SHLD2: variants seen among roughly 807,000 people sequenced by gnomAD.
SHLD2 encodes RINN1-REV7-interacting novel NHEJ regulator 2.
A neutral mutation model predicts 73.2 loss-of-function variants in SHLD2; 30 were observed. The ratio of observed to expected loss-of-function variants is 0.41; its 90% CI spans 0.31 to 0.56. SHLD2 has a LOEUF of 0.56. SHLD2 is among the 20% of genes least tolerant of loss of function. The pLI, the probability that SHLD2 is intolerant of heterozygous loss-of-function variation, is 0.28. For synonymous variants in SHLD2, 285 were observed against 370.1 expected, an observed-to-expected ratio of 0.77 and a Z score of 2.64; for missense variants, 745 against 1,055.9, an observed-to-expected ratio of 0.71 and a Z score of 4.08.
chr10:87,122,285 A>T (rs1275274906), intron 2 of SHLD2, among the ~76,000 whole-genome samples: 1 of 151,744 alleles, frequency 6.6e-6, no homozygotes. Flanking sequence ...TCTTTTGCTG[A>T]TCTTGTTTAT....
intron 2 of SHLD2, among the ~76,000 whole-genome samples, chr10:87,097,967 G>A (rs539026127): frequency 6.6e-6 from 1 of 151,858 alleles, no homozygotes; most frequent in Non-Finnish European, 1.5e-5. Flanking sequence ...CCACAGTGTT[G>A]GCCAGGCTGT....
intron 2 of SHLD2, among the ~76,000 whole-genome samples, chr10:87,110,177 T>TA (rs1842832790): frequency 6.6e-6 from 1 of 152,060 alleles, no homozygotes; most frequent in Non-Finnish European, 1.5e-5. Context: ...TAGTCCCAGC[T>TA]ACTCAGGAGA....
At position 87,182,415 on chromosome 10, in the gene SHLD2, C is replaced by G. The variant is rs374957260; in HGVS notation, c.2399+2112C>G. On this transcript the variant is annotated intron_variant, in intron 8 of 9. Transcript: ENST00000298786. ...AGTCCCAGACTATGAGTGGGTTGATCATATTTTACATTGGTTGTAACTTGG... is the reference window on the plus strand; with the variant it reads ...AGTCCCAGACTATGAGTGGGTTGATGATATTTTACATTGGTTGTAACTTGG... 2.3e-4 allele frequency among the ~76,000 whole-genome samples: 35 copies of G among 152,268 alleles called. No homozygotes were observed. The East Asian group carries it at 5.6e-3, about 24-fold the overall frequency.
chr10:87,111,923 A>T (rs1421356317), intron 2 of SHLD2, among the ~76,000 whole-genome samples: 1 of 152,140 alleles, frequency 6.6e-6, no homozygotes, highest in Non-Finnish European at 1.5e-5. Flanking sequence ...CTCCATAAGA[A>T]AAAAGCAAAT....
intron 7 of SHLD2, among the ~76,000 whole-genome samples, chr10:87,177,304 A>G (rs1361879527): frequency 6.6e-6 from 1 of 151,030 alleles, no homozygotes; most frequent in African/African-American, 2.4e-5. Flanking sequence ...TAGGTTTAAA[A>G]ATAAAAATAA....
chr10:87,139,030 TTTGA>T (rs1465231205), intron 2 of SHLD2, among the ~76,000 whole-genome samples: 8 of 152,224 alleles, frequency 5.3e-5, no homozygotes, highest in Admixed American at 5.2e-4. Flanking sequence ...TAAGAGAATC[TTTGA>T]TTGGACACTC....
chr10:87,160,424 A>G (rs1589604878), intron 4 of SHLD2, among the ~76,000 whole-genome samples: 1 of 152,298 alleles, frequency 6.6e-6, no homozygotes, highest in Non-Finnish European at 1.5e-5. Context: ...GCAGTGAGCC[A>G]TGATTGTACC....
intron 3 of SHLD2, among the ~76,000 whole-genome samples, chr10:87,157,051 G>T (rs1364270601): frequency 6.6e-6 from 1 of 152,190 alleles, no homozygotes; most frequent in Admixed American, 6.5e-5. Context: ...GTGGCAAGGA[G>T]TGGGAAGGGA....
At chr10:87,161,602 C>T (rs1470778565) in intron 4 of SHLD2, among the ~76,000 whole-genome samples, 2 of 152,094 alleles carry the variant, frequency 1.3e-5, no homozygotes, top group African/African-American at 2.4e-5. Context: ...AAAATTTAAA[C>T]ACTCCAGAAA....
At chr10:87,171,312 G>T (rs1383626954) in intron 6 of SHLD2, among the ~76,000 whole-genome samples, 2 of 152,002 alleles carry the variant, frequency 1.3e-5, no homozygotes, top group Non-Finnish European at 2.9e-5. Context: ...TTTTCAGCCA[G>T]AGTACTCTGA....
chr10:87,153,424 A>T (rs899970126), intron 3 of SHLD2, among the ~76,000 whole-genome samples: 3 of 152,218 alleles, frequency 2.0e-5, no homozygotes, highest in African/African-American at 7.2e-5. Context: ...CTAATGTCTA[A>T]TAATGCTGTG....
intron 2 of SHLD2, among the ~76,000 whole-genome samples, chr10:87,120,014 G>A (rs1843496302): frequency 6.6e-6 from 1 of 152,008 alleles, no homozygotes; most frequent in Admixed American, 6.6e-5. Context: ...GTTGGTTTGA[G>A]TTGTATGTGA....
At chr10:87,155,968 T>C (rs978414585) in intron 3 of SHLD2, among the ~76,000 whole-genome samples, 8 of 151,966 alleles carry the variant, frequency 5.3e-5, no homozygotes, top group Non-Finnish European at 1.0e-4. Flanking sequence ...AAAAAAGAAA[T>C]CTACACTTTT....
intron 8 of SHLD2, among the ~76,000 whole-genome samples, chr10:87,183,213 A>G (rs901050824): frequency 1.3e-5 from 2 of 152,224 alleles, no homozygotes; most frequent in Non-Finnish European, 1.5e-5. Flanking sequence ...GCACAGGTAC[A>G]TTGCAAATCA....
chr10:87,131,258 A>G (rs1290285962), intron 2 of SHLD2, among the ~76,000 whole-genome samples: 1 of 151,824 alleles, frequency 6.6e-6, no homozygotes, highest in East Asian at 1.9e-4. Flanking sequence ...TATACAGTTC[A>G]GTGACATTAA....
In SHLD2 at chr10:87,180,145, A is replaced by C. The variant is rs1275528534; in HGVS notation, c.2241A>C (p.Leu747=). The C allele has an allele frequency of 6.2e-7, 1 of 1,613,898 alleles. No individual in the cohort carries two copies. The highest frequency in any genetic ancestry group is 8.5e-7 in the Non-Finnish European group (1 of 1,179,836). The change falls in exon 8 of 10, where the codon CTA becomes CTC. Residue 747 remains leucine (L), a synonymous_variant. Transcript: ENST00000298786. ...TTACAGCATCTCAGAAGATAGCGCTAAATGCTCACAGTTCTCTGAAGAGTA... is the reference window on the plus strand; with the variant it reads ...TTACAGCATCTCAGAAGATAGCGCTCAATGCTCACAGTTCTCTGAAGAGTA... ...FPITASQKIA[L]NAHSSLKSIF...
rs561868399 is a variant in SHLD2 at position 87,183,020 on chromosome 10, G to A, written c.2399+2717G>A. The stretch of plus-strand genomic sequence containing the variant: ...TTCATCAGAAGTGAGTTAGCTGTGC[G>A]TTGGAGAGTGGATTAGAATGAAGCT... On this transcript the variant is annotated intron_variant, in intron 8 of 9. Coordinates refer to ENST00000298786, the MANE Select transcript of SHLD2 (RefSeq NM_001330112.2). 8.5e-5 allele frequency among the ~76,000 whole-genome samples: 13 copies of A among 152,326 alleles called. No individual in the cohort carries two copies. In the South Asian group the frequency reaches 1.7e-3, roughly 19 times the overall value.
In SHLD2 at chr10:87,180,085, G is replaced by A. The variant is rs538740213; in HGVS notation, c.2181G>A (p.Leu727=). Residue 727 remains leucine (L), a synonymous_variant, in exon 8 of 10, where the codon CTG becomes CTA. Coordinates refer to ENST00000298786, the MANE Select transcript of SHLD2 (RefSeq NM_001330112.2). ...HLEDKCSGVV[L]IKAQISELAF... is the part of the protein sequence containing the mutation. ...GTTTGTTGTTTGTAGGAGTGGTTCTGATTAAAGCCCAGATTTCAGAGCTGG... is the reference window on the plus strand; with the variant it reads ...GTTTGTTGTTTGTAGGAGTGGTTCTAATTAAAGCCCAGATTTCAGAGCTGG... 2 of 1,613,680 alleles carry A rather than the reference G, an allele frequency of 1.2e-6. No individual in the cohort carries two copies. The highest frequency in any genetic ancestry group is 3.3e-5 in the Admixed American group (2 of 59,994).
intron 2 of SHLD2, among the ~76,000 whole-genome samples, chr10:87,134,425 T>A (rs1204301418): frequency 1.3e-5 from 2 of 152,116 alleles, no homozygotes; most frequent in Admixed American, 6.6e-5. Context: ...CACATTTTTT[T>A]AAATCAGATT....
Sources: allele counts gnomAD v4.1 joint callset (sites outside exome capture counted in the v4.1 genomes callset), GRCh38; gene constraint gnomAD v4.1.1; transcripts MANE v1.5; gene names NCBI Gene and HGNC (gene_info 2026-07-23, HGNC 2026-07-21).